LIPJ: variants seen among roughly 807,000 people sequenced by gnomAD.
LIPJ encodes the protein lipase family member J.
A neutral mutation model predicts 39.8 loss-of-function variants in LIPJ; 33 were observed. The ratio of observed to expected loss-of-function variants is 0.83; its 90% CI spans 0.63 to 1.11. The LOEUF (loss-of-function observed/expected upper bound fraction) is 1.11, where lower values mean the gene tolerates loss of function less well. LIPJ is among the 50% of genes least tolerant of loss of function. LIPJ has a pLI of 0.00. For missense variants in LIPJ, 422 were observed against 427.9 expected, an observed-to-expected ratio of 0.99 and a Z score of 0.12; for synonymous variants, 128 against 139.2, an observed-to-expected ratio of 0.92 and a Z score of 0.57.
At chr10:88,583,167 G>A, upstream of LIPJ, 3 of 1,613,982 alleles carry the variant, frequency 1.9e-6, no homozygotes, top group Admixed American at 5.0e-5. Flanking sequence ...TCATCCCGGC[G>A]CCCACGATCA....
the LIPJ span, among the ~76,000 whole-genome samples, chr10:88,616,364 T>C: frequency 2.6e-5 from 4 of 152,166 alleles, no homozygotes; most frequent in Non-Finnish European, 5.9e-5. Flanking sequence ...GTCCCTGGCC[T>C]GCGTCAGGGA....
chr10:88,583,466 C>T, upstream of LIPJ: 1 of 1,312,648 alleles, frequency 7.6e-7, no homozygotes, highest in Non-Finnish European at 9.7e-7. Context: ...TGCCCCTCGC[C>T]CAGAAAAGCC....
chr10:88,587,125 A>C (rs1326724321), intron 1 of LIPJ, 141 bp from the exon 2 acceptor site: 1 of 151,970 alleles, frequency 6.6e-6, no homozygotes, highest in Non-Finnish European at 1.5e-5. Flanking sequence ...TATCACTAAC[A>C]ACCTCTGTAG....
the LIPJ span, among the ~76,000 whole-genome samples, chr10:88,613,504 G>A: frequency 2.0e-5 from 3 of 151,700 alleles, no homozygotes; most frequent in Non-Finnish European, 2.9e-5. Context: ...TTGATGGAGA[G>A]TGTATAGGGA....
At chr10:88,612,673 A>G in the LIPJ span, among the ~76,000 whole-genome samples, 1 of 152,212 alleles carries the variant, frequency 6.6e-6, no homozygotes, top group African/African-American at 2.4e-5. Context: ...GCCCATTCCA[A>G]CAGGAAAATA....
At chr10:88,604,601 G>A (rs1043158738) in intron 9 of LIPJ, among the ~76,000 whole-genome samples, 4 of 152,154 alleles carry the variant, frequency 2.6e-5, no homozygotes, top group African/African-American at 7.2e-5. Context: ...TCTATAAGAG[G>A]TGAGTGAGAA....
intron 8 of LIPJ, among the ~76,000 whole-genome samples, chr10:88,598,273 T>C (rs540938516): frequency 5.3e-5 from 8 of 152,082 alleles, no homozygotes; most frequent in South Asian, 2.1e-4. Flanking sequence ...ATCTGGTAGT[T>C]TGTGAAAAGG....
chr10:88,605,538 G>A, intron 9 of LIPJ, 95 bp from the exon 10 acceptor site: 1 of 806,120 alleles, frequency 1.2e-6, no homozygotes, highest in Non-Finnish European at 2.1e-6. Flanking sequence ...AGCAGACCCA[G>A]TACAATGGGG....
the LIPJ span, chr10:88,618,377 T>G: frequency 1.5e-4 from 23 of 152,500 alleles, 1 homozygote; most frequent in African/African-American, 5.5e-4. Context: ...GCTGTATAGA[T>G]CTCATGAATC....
At chr10:88,586,680 A>G (rs1017599874), upstream of LIPJ, 2 of 152,160 alleles carry the variant, frequency 1.3e-5, no homozygotes, top group Non-Finnish European at 2.9e-5. Flanking sequence ...TTATCCTACT[A>G]GAATTTAAGC....
exon 8 of LIPJ, chr10:88,596,881 T>C: frequency 1.3e-6 from 2 of 1,593,848 alleles, no homozygotes; most frequent in Non-Finnish European, 1.7e-6. Flanking sequence ...TTTGATAAGA[T>C]TTGCCTCAAT....
At chr10:88,609,091 T>C (rs1851720867), downstream of LIPJ, among the ~76,000 whole-genome samples, 1 of 152,232 alleles carries the variant, frequency 6.6e-6, no homozygotes. Flanking sequence ...AATCTCTGCT[T>C]TTGCTGCTTC....
exon 11 of LIPJ, chr10:88,606,966 ATT>A: frequency 1.5e-6 from 2 of 1,358,540 alleles, no homozygotes; most frequent in Non-Finnish European, 9.5e-7. Flanking sequence ...TCCAATTCTT[ATT>A]TTTTTTTACC....
chr10:88,597,214 A>G (rs1036527818), intron 8 of LIPJ, among the ~76,000 whole-genome samples: 1 of 151,750 alleles, frequency 6.6e-6, no homozygotes, highest in Admixed American at 6.6e-5. Flanking sequence ...GCTATTGGGT[A>G]TTAGTTTCCT....
intron 2 of LIPJ, among the ~76,000 whole-genome samples, chr10:88,587,911 G>C (rs17109478): frequency 0.02 from 3,062 of 152,004 alleles, 79 homozygotes; most frequent in South Asian, 0.085. Context: ...AATAGCAAAC[G>C]ATTTTATCCA....
the LIPJ span, among the ~76,000 whole-genome samples, chr10:88,622,663 T>C: frequency 6.6e-6 from 1 of 152,170 alleles, no homozygotes; most frequent in African/African-American, 2.4e-5. Context: ...AGTGTGGCTC[T>C]AGAAGCCTGA....
the LIPJ span, among the ~76,000 whole-genome samples, chr10:88,613,800 A>ATATATATATATATATATATATGTGTG: frequency 2.2e-4 from 16 of 74,138 alleles, no homozygotes; most frequent in Non-Finnish European, 3.2e-4. Context: ...ATATATATAT[A>ATATATATATATATATATATATGTGTG]TGTGTGTGTG....
the LIPJ span, chr10:88,618,594 CT>C: frequency 6.6e-6 from 1 of 152,522 alleles, no homozygotes; most frequent in Non-Finnish European, 1.5e-5. Context: ...AACAAAGTTT[CT>C]GTTGAAAATC....
exon 2 of LIPJ, chr10:88,587,313 T>C (rs1564929425): frequency 6.6e-6 from 1 of 152,076 alleles, no homozygotes; most frequent in Non-Finnish European, 1.5e-5. Flanking sequence ...TTAGCAACTT[T>C]TGCTAAAAGA....
Sources: gnomAD v4.1 joint callset for allele counts (sites outside exome capture counted in the v4.1 genomes callset) on GRCh38, gnomAD v4.1.1 for gene constraint, MANE v1.5 for transcripts, NCBI Gene and HGNC (gene_info 2026-07-23, HGNC 2026-07-21) for gene names.